Variants in LZTS1 observed in about 807,000 individuals in gnomAD.
The protein encoded by LZTS1 is leucine zipper putative tumor suppressor 1.
Under a neutral mutation model 45.8 loss-of-function variants are expected in LZTS1, and 31 were observed. The ratio of observed to expected loss-of-function variants is 0.68; its 90% CI spans 0.51 to 0.91. The LOEUF is 0.91. Among genes scored for constraint, LZTS1 ranks in the 40% least tolerant of loss-of-function variants. The pLI is 0.00. For missense variants in LZTS1, 821 were observed against 788.9 expected, an observed-to-expected ratio of 1.04 and a Z score of -0.49; for synonymous variants, 359 against 357.3, an observed-to-expected ratio of 1.00 and a Z score of -0.05.
intron 1 of LZTS1, among the ~76,000 whole-genome samples, chr8:20,298,638 G>A (rs1393821768): frequency 1.3e-5 from 2 of 152,146 alleles, no homozygotes; most frequent in African/African-American, 4.8e-5. Flanking sequence ...CAAAGTGGGA[G>A]GATCACTTGA....
intron 1 of LZTS1, among the ~76,000 whole-genome samples, chr8:20,301,048 G>A (rs1362132736): frequency 6.6e-6 from 1 of 150,622 alleles, no homozygotes; most frequent in East Asian, 2.0e-4. Context: ...TTGAACCCAG[G>A]AGGTGGAGGT....
chr8:20,268,170 A>G (rs868632794), intron 1 of LZTS1, among the ~76,000 whole-genome samples: 2 of 35,412 alleles, frequency 5.6e-5, no homozygotes, highest in Non-Finnish European at 6.6e-5. Context: ...CCCCACCCCC[A>G]CCCCCACCCC....
intron 1 of LZTS1, among the ~76,000 whole-genome samples, chr8:20,266,600 A>G (rs901257133): frequency 1.4e-5 from 2 of 139,574 alleles, no homozygotes; most frequent in African/African-American, 2.5e-5. Flanking sequence ...TTGGACCAAG[A>G]CAAAAAAAAA....
intron 1 of LZTS1, among the ~76,000 whole-genome samples, chr8:20,273,942 G>A (rs988466201): frequency 2.6e-5 from 4 of 151,594 alleles, no homozygotes; most frequent in African/African-American, 7.3e-5. Flanking sequence ...AGGCCTGCCC[G>A]CCCTCTATTC....
At chr8:20,251,273 G>A (rs1799900594) in intron 3 of LZTS1, among the ~76,000 whole-genome samples, 1 of 151,566 alleles carries the variant, frequency 6.6e-6, no homozygotes, top group African/African-American at 2.4e-5. Context: ...TTCAAAGCCA[G>A]GCCCATGCCT....
At chr8:20,261,812 G>A (rs1011278329) in intron 1 of LZTS1, among the ~76,000 whole-genome samples, 16 of 152,146 alleles carry the variant, frequency 1.1e-4, no homozygotes, top group Non-Finnish European at 1.5e-5. Context: ...ATTCACACAC[G>A]CCCTCCTCCT....
chr8:20,300,135 G>T (rs1009148250), intron 1 of LZTS1, among the ~76,000 whole-genome samples: 2 of 152,156 alleles, frequency 1.3e-5, no homozygotes, highest in Non-Finnish European at 2.9e-5. Context: ...TCTAGGGAGA[G>T]GCCTTGAAGG....
rs750321010 is a variant in LZTS1, at chr8:20,253,481, G to T, written c.450C>A (p.His150Gln). 1 of 1,599,906 alleles carries T rather than the reference G, an allele frequency of 6.3e-7. No homozygotes were observed. The highest frequency in any genetic ancestry group is 8.5e-7 in the Non-Finnish European group (1 of 1,174,132). Residue 150 changes from histidine to glutamine, a missense_variant, in exon 3 of 4, where the codon CAC becomes CAA. His to Gln is a conservative substitution (Grantham distance 24). Coordinates refer to ENST00000381569, the MANE Select transcript of LZTS1 (RefSeq NM_021020.5). ...CCTTGGGCTTGTCTGGAGGGGCGGG[G>T]TGCAGCTGGTGGCTGGCACTCTCCG... Reference protein sequence around the residue: ...SSPESASHQLHPAPPDKPKEQ... With the variant: ...SSPESASHQLQPAPPDKPKEQ...
rs565941569 is a variant in LZTS1 at position 20,274,407 on chromosome 8, C to A, written c.-134-19092G>T. On this transcript the variant is annotated intron_variant, in intron 1 of 3. Transcript: ENST00000381569. ...CATCCCTTCTCCTCATCCTAGGGAA[C>A]CCCTTGGAATACACTAGGTAGCTTG... 2.6e-5 allele frequency among the ~76,000 whole-genome samples: 4 copies of A among 152,288 alleles called. No homozygotes were observed. In the South Asian group the frequency reaches 8.3e-4, roughly 32 times the overall value.
At chr8:20,257,177 C>T (rs1010399417) in intron 1 of LZTS1, among the ~76,000 whole-genome samples, 1 of 152,080 alleles carries the variant, frequency 6.6e-6, no homozygotes, top group Non-Finnish European at 1.5e-5. Flanking sequence ...TGGTGGAACC[C>T]CGTCTCTACT....
rs1433447018 is a variant in LZTS1, at chr8:20,267,555, C to T, written c.-134-12240G>A. Among the ~76,000 whole-genome samples the T allele has an allele frequency of 2.0e-5, 3 of 152,132 alleles. No individual in the cohort carries two copies. The East Asian group carries it at 5.8e-4, about 29-fold the overall frequency. On this transcript the variant is annotated intron_variant, in intron 1 of 3. Coordinates refer to ENST00000381569, the MANE Select transcript of LZTS1 (RefSeq NM_021020.5). ...TTTTTGAGACAGAGTCTCACTCTGT[C>T]GCCAGGCTGGAGTGCAGTGATGTGA... is the stretch of plus-strand genomic sequence containing the variant.
chr8:20,292,021 T>C (rs1349464800), intron 1 of LZTS1, among the ~76,000 whole-genome samples: 2 of 152,218 alleles, frequency 1.3e-5, no homozygotes, highest in Non-Finnish European at 2.9e-5. Context: ...AGGTGTTTCC[T>C]GAGGAAGGCC....
intron 2 of LZTS1, among the ~76,000 whole-genome samples, chr8:20,254,166 G>T (rs529148396): frequency 3.3e-5 from 5 of 152,148 alleles, no homozygotes; most frequent in Non-Finnish European, 7.3e-5. Context: ...AATCAAAGCC[G>T]GGGATTCATT....
chr8:20,291,332 T>G (rs1310373711), intron 1 of LZTS1, among the ~76,000 whole-genome samples: 1 of 152,152 alleles, frequency 6.6e-6, no homozygotes, highest in East Asian at 1.9e-4. Context: ...CCTGGACACC[T>G]GCCTCTACCA....
chr8:20,273,778 G>T lies in LZTS1; in HGVS notation c.-134-18463C>A, dbSNP rs4922148. On this transcript the variant is annotated intron_variant, in intron 1 of 3. Transcript: ENST00000381569. ...GGAAATTAATAGACCTGTTATATTTGTTTTTTTTTTTCCTAGCTCTCCCAA... is the reference window on the plus strand; with the variant it reads ...GGAAATTAATAGACCTGTTATATTTTTTTTTTTTTTTCCTAGCTCTCCCAA... Among the ~76,000 whole-genome samples the T allele has an allele frequency of 2.1e-4, 31 of 150,050 alleles. 1 individual carries two copies. Among genetic ancestry groups the T allele is most frequent in the Admixed American group, 1.4e-3 (22 of 15,210 alleles).
chr8:20,296,465 G>GC (rs1300257221), intron 1 of LZTS1, among the ~76,000 whole-genome samples: 2 of 152,296 alleles, frequency 1.3e-5, no homozygotes, highest in East Asian at 3.9e-4. Flanking sequence ...CCTAAAGACT[G>GC]CCCCAGGCAT....
At chr8:20,251,129 AT>A (rs548491573) in intron 3 of LZTS1, among the ~76,000 whole-genome samples, 2 of 29,220 alleles carry the variant, frequency 6.8e-5, no homozygotes, top group African/African-American at 3.1e-4. Context: ...ATATATATAT[AT>A]ATATATATAT....
rs1799858287 is a variant in LZTS1 at position 20,250,228 on chromosome 8, G to A, written c.1285C>T (p.Leu429=). Residue 429 remains leucine (L), a synonymous_variant, in exon 4 of 4, where the codon CTG becomes TTG. Coordinates refer to ENST00000381569, the MANE Select transcript of LZTS1 (RefSeq NM_021020.5). ...LKDTRGKLEG[L]ELRTQDLEGA... ...TCCAGGTCCTGGGTCCTCAGCTCCA[G>A]GCCCTCCAGCTTGCCCCGCGTGTCC... The A allele has an allele frequency of 6.2e-7, 1 of 1,613,202 alleles. No homozygotes were observed. The highest frequency in any genetic ancestry group is 8.5e-7 in the Non-Finnish European group (1 of 1,180,018).
intron 2 of LZTS1, among the ~76,000 whole-genome samples, chr8:20,253,960 C>G (rs1157660583): frequency 2.6e-5 from 4 of 152,188 alleles, no homozygotes; most frequent in African/African-American, 9.7e-5. Flanking sequence ...ATCCCTTCTT[C>G]CTGTTCACTG....
Sources: allele counts gnomAD v4.1 joint callset (sites outside exome capture counted in the v4.1 genomes callset), GRCh38; gene constraint gnomAD v4.1.1; transcripts MANE v1.5; gene names NCBI Gene and HGNC (gene_info 2026-07-23, HGNC 2026-07-21).